Variants in GRAMD1B observed in about 807,000 individuals in gnomAD.
GRAMD1B encodes the protein GRAM domain containing 1B.
In GRAMD1B, 37 loss-of-function variants were observed where a neutral mutation model predicts 99.7. That is an observed-to-expected ratio of 0.37 (90% CI 0.29 to 0.49). GRAMD1B has a LOEUF of 0.49. Ranked by LOEUF, GRAMD1B falls within the 20% of genes least tolerant of loss-of-function variation. The pLI is 0.98. For synonymous variants in GRAMD1B, 427 were observed against 387.6 expected, an observed-to-expected ratio of 1.10 and a Z score of -1.19; for missense variants, 888 against 1,009.2, an observed-to-expected ratio of 0.88 and a Z score of 1.63.
chr11:123,396,886 G>A (rs1037177678), intron 1 of GRAMD1B, among the ~76,000 whole-genome samples: 1 of 152,168 alleles, frequency 6.6e-6, no homozygotes, highest in African/African-American at 2.4e-5. Flanking sequence ...AATATTTTGT[G>A]TGAGCAAGAT....
chr11:123,380,499 C>T (rs568933824), intron 1 of GRAMD1B, among the ~76,000 whole-genome samples: 7 of 152,294 alleles, frequency 4.6e-5, no homozygotes, highest in Admixed American at 3.9e-4. Flanking sequence ...TAGACATCTC[C>T]AGAGACTTTA....
intron 1 of GRAMD1B, among the ~76,000 whole-genome samples, chr11:123,390,652 T>C (rs146245540): frequency 5.3e-5 from 8 of 152,354 alleles, no homozygotes; most frequent in Non-Finnish European, 1.0e-4. Flanking sequence ...CCTTTCCAGG[T>C]AATTTTTCTA....
intron 17 of GRAMD1B, among the ~76,000 whole-genome samples, chr11:123,616,469 AGTTCTGT>A (rs1954401707): frequency 6.6e-6 from 1 of 152,366 alleles, no homozygotes; most frequent in African/African-American, 2.4e-5. Flanking sequence ...ACCTCAAGTT[AGTTCTGT>A]GTTTAAGCTC....
chr11:123,433,679 CGTGTGTGTGTGT>C (rs59262021), intron 1 of GRAMD1B, among the ~76,000 whole-genome samples: 15 of 143,096 alleles, frequency 1.0e-4, no homozygotes, highest in Non-Finnish European at 1.4e-4. Context: ...ATGTTACGTG[CGTGTGTGTGTGT>C]GTGTGTGTGT....
intron 11 of GRAMD1B, chr11:123,608,268 G>T (rs1338315573): frequency 5.5e-6 from 3 of 548,738 alleles, no homozygotes; most frequent in Non-Finnish European, 6.5e-6. Flanking sequence ...ATTTGTTGTC[G>T]ATTAGAGTTA....
In GRAMD1B at chr11:123,479,686, G is replaced by A. The variant is rs183494472; in HGVS notation, c.375-1130G>A. Among the ~76,000 whole-genome samples, 1,371 of 152,250 alleles carry A rather than the reference G, an allele frequency of 9.0e-3. 26 individuals are homozygous for A. The highest frequency in any genetic ancestry group is 0.031 in the African/African-American group (1,281 of 41,532). On this transcript the variant is annotated intron_variant, in intron 1 of 19. Transcript: ENST00000635736. ...ATGGTGAGCATTGTGGGCTTTGTGG[G>A]CCTATGGTGCCCACAACTCTGTCTT...
intron 2 of GRAMD1B, among the ~76,000 whole-genome samples, chr11:123,531,598 G>T (rs17127444): frequency 0.02 from 3,019 of 152,124 alleles, 87 homozygotes; most frequent in African/African-American, 0.068. Flanking sequence ...TGGAAGAGAC[G>T]GTTTAGGGTT....
At chr11:123,545,685 A>G (rs188863870) in intron 2 of GRAMD1B, among the ~76,000 whole-genome samples, 271 of 152,378 alleles carry the variant, frequency 1.8e-3, no homozygotes, top group Middle Eastern at 3.4e-3. Context: ...TAATATTTAT[A>G]AAGTTCTTAC....
chr11:123,593,095 G>A (rs779571170), intron 4 of GRAMD1B, among the ~76,000 whole-genome samples: 23 of 151,958 alleles, frequency 1.5e-4, no homozygotes, highest in Non-Finnish European at 3.1e-4. Context: ...AGCCGGGAGA[G>A]GTGGCACATA....
intron 1 of GRAMD1B, among the ~76,000 whole-genome samples, chr11:123,368,201 C>G (rs1354919057): frequency 6.8e-6 from 1 of 146,490 alleles, no homozygotes; most frequent in Admixed American, 6.8e-5. Flanking sequence ...TTGCAGTGAG[C>G]CGAGATTGCA....
rs946657451 is a variant in GRAMD1B at position 123,492,892 on chromosome 11, A to ACACACACACACG, written c.452+12002_452+12003insACACACACGCAC. Among the ~76,000 whole-genome samples the ACACACACACACG allele has an allele frequency of 0.011, 1,739 of 151,686 alleles. 37 individuals are homozygous for ACACACACACACG. The highest frequency in any genetic ancestry group is 0.039 in the African/African-American group (1,595 of 41,182). On this transcript the variant is annotated intron_variant, in intron 2 of 19. Coordinates refer to ENST00000635736, the MANE Select transcript of GRAMD1B (RefSeq NM_001387025.1). This position sits in a 1 kb window ranked among gnomAD's most constrained non-coding sequence, Gnocchi z 4.2. ...CACACACACACACACACACACACACACACGCATAGGCATAGATGCCTGTGA... is the reference window on the plus strand; with the variant it reads ...CACACACACACACACACACACACACACACACACACACGCACGCATAGGCATAGATGCCTGTGA...
chr11:123,362,521 AT>A (rs1462607413), intron 1 of GRAMD1B, among the ~76,000 whole-genome samples: 1 of 152,146 alleles, frequency 6.6e-6, no homozygotes, highest in African/African-American at 2.4e-5. Context: ...ACTTGCATTT[AT>A]TTTTTTAAAA....
At chr11:123,600,214 G>T (rs1951778587) in intron 7 of GRAMD1B, among the ~76,000 whole-genome samples, 1 of 152,162 alleles carries the variant, frequency 6.6e-6, no homozygotes, top group Admixed American at 6.5e-5. Context: ...TCAAAACAGG[G>T]AGAAAAGCAC....
At position 123,423,754 on chromosome 11, in the gene GRAMD1B, G is replaced by A. The variant is rs1339835774; in HGVS notation, c.-175-57062G>A. Among the ~76,000 whole-genome samples, 3 of 152,156 alleles carry A rather than the reference G, an allele frequency of 2.0e-5. No individual in the cohort carries two copies. In the East Asian group the frequency reaches 5.8e-4, roughly 29 times the overall value. On this transcript the variant is annotated intron_variant, in intron 1 of 20. Transcript: ENST00000638157. ...AAAAGTATAAGTTTTAAAGCAAAGA[G>A]ACCCTTGTTTAAATTTGTGTTCATC...
At chr11:123,404,173 A>G (rs1040895890) in intron 1 of GRAMD1B, among the ~76,000 whole-genome samples, 1 of 152,168 alleles carries the variant, frequency 6.6e-6, no homozygotes, top group Non-Finnish European at 1.5e-5. Flanking sequence ...ATTGCACACA[A>G]TGTTATATTC....
intron 1 of GRAMD1B, among the ~76,000 whole-genome samples, chr11:123,469,844 GA>G (rs2134648676): frequency 7.1e-6 from 1 of 141,708 alleles, no homozygotes; most frequent in East Asian, 2.0e-4. Flanking sequence ...GATGGCACAA[GA>G]AAAAAATAAA....
intron 1 of GRAMD1B, chr11:123,459,902 T>A (rs1463682401): frequency 6.6e-6 from 1 of 152,202 alleles, no homozygotes. Context: ...CAAAAAGTGT[T>A]TTCTGAGTGA....
intron 17 of GRAMD1B, among the ~76,000 whole-genome samples, chr11:123,617,587 G>A (rs12222537): frequency 0.25 from 37,692 of 151,850 alleles, 5,330 homozygotes; most frequent in South Asian, 0.43. Flanking sequence ...GTGGTGTGCC[G>A]GGATATTTTA....
chr11:123,487,797 G>A (rs1938034310), intron 2 of GRAMD1B, among the ~76,000 whole-genome samples: 1 of 152,116 alleles, frequency 6.6e-6, no homozygotes, highest in Non-Finnish European at 1.5e-5. Context: ...AGTAGAGACA[G>A]GGTTTCACCA....
Sources: gnomAD v4.1 joint callset for allele counts (sites outside exome capture counted in the v4.1 genomes callset) on GRCh38, gnomAD v4.1.1 for gene constraint, Gnocchi (gnomAD v3.1) non-coding constraint, MANE v1.5 for transcripts, NCBI Gene and HGNC (gene_info 2026-07-23, HGNC 2026-07-21) for gene names.